MAF: variants seen among roughly 807,000 people sequenced by gnomAD.
MAF encodes the protein transcription factor Maf.
In MAF, 10 loss-of-function variants were observed where a neutral mutation model predicts 22.0. The observed-to-expected ratio is 0.45, with a 90% CI of 0.28 to 0.77. The LOEUF is 0.77. Among genes scored for constraint, MAF ranks in the 30% least tolerant of loss-of-function variants. The probability of loss-of-function intolerance (pLI) is 0.12; values close to 1 mark genes in which losing one functional copy is unlikely to be tolerated. For missense variants in MAF, 544 were observed against 548.4 expected, an observed-to-expected ratio of 0.99 and a Z score of 0.08; for synonymous variants, 337 against 255.8, an observed-to-expected ratio of 1.32 and a Z score of -3.03.
chr16:79,310,056 C>G, the MAF span, among the ~76,000 whole-genome samples: 5 of 152,066 alleles, frequency 3.3e-5, no homozygotes, highest in African/African-American at 1.2e-4. Flanking sequence ...AATATCAAAT[C>G]AAGAATGAAC....
chr16:79,584,454 T>C (rs1912719123), downstream of MAF, among the ~76,000 whole-genome samples: 1 of 152,244 alleles, frequency 6.6e-6, no homozygotes, highest in African/African-American at 2.4e-5. Flanking sequence ...TGCTCTCACC[T>C]GTCAATCATG....
At chr16:79,476,480 G>C in the MAF span, among the ~76,000 whole-genome samples, 28,493 of 152,170 alleles carry the variant, frequency 0.19, 3,038 homozygotes, top group East Asian at 0.44. Flanking sequence ...ATCGACATTT[G>C]AAAGAGTGAA....
the MAF span, among the ~76,000 whole-genome samples, chr16:79,207,121 A>T: frequency 1.3e-5 from 2 of 152,120 alleles, no homozygotes; most frequent in Non-Finnish European, 2.9e-5. Flanking sequence ...ACGGCCATCT[A>T]TTCCACCTGT....
At chr16:79,219,912 G>T in the MAF span, among the ~76,000 whole-genome samples, 1 of 152,154 alleles carries the variant, frequency 6.6e-6, no homozygotes, top group Non-Finnish European at 1.5e-5. Flanking sequence ...ATAAAAAGTT[G>T]TATCATCGTA....
chr16:79,255,977 CTTTTCTTTTTTT>C, the MAF span, among the ~76,000 whole-genome samples: 4 of 107,946 alleles, frequency 3.7e-5, no homozygotes, highest in Non-Finnish European at 7.8e-5. Flanking sequence ...TTTTTCTTTT[CTTTTCTTTTTTT>C]TTTTTTTTTG....
chr16:79,513,145 C>G, the MAF span, among the ~76,000 whole-genome samples: 2 of 152,234 alleles, frequency 1.3e-5, no homozygotes, highest in Non-Finnish European at 2.9e-5. Flanking sequence ...TGGTCCTCAC[C>G]AGGGTGGAGG....
At chr16:79,303,721 T>G in the MAF span, among the ~76,000 whole-genome samples, 3 of 151,876 alleles carry the variant, frequency 2.0e-5, no homozygotes, top group African/African-American at 4.8e-5. Flanking sequence ...TAAGAAAGAG[T>G]GCTATAATTG....
the MAF span, among the ~76,000 whole-genome samples, chr16:79,445,455 C>T: frequency 6.6e-6 from 1 of 152,184 alleles, no homozygotes; most frequent in Non-Finnish European, 1.5e-5. Context: ...ACCAAGTCTT[C>T]AGAGATGTAA....
At chr16:79,424,041 A>T in the MAF span, among the ~76,000 whole-genome samples, 2 of 152,210 alleles carry the variant, frequency 1.3e-5, no homozygotes, top group South Asian at 2.1e-4. Flanking sequence ...ACCCATTAAG[A>T]TTATTACTTT....
the MAF span, among the ~76,000 whole-genome samples, chr16:79,551,426 A>C: frequency 7.9e-5 from 12 of 152,324 alleles, no homozygotes; most frequent in Non-Finnish European, 4.4e-5. Flanking sequence ...TATGGAAGCA[A>C]TACAGGCATA....
chr16:79,566,223 A>G, the MAF span, among the ~76,000 whole-genome samples: 1 of 152,204 alleles, frequency 6.6e-6, no homozygotes, highest in Non-Finnish European at 1.5e-5. Flanking sequence ...CTCTGCCATT[A>G]GAGATACAAA....
the MAF span, among the ~76,000 whole-genome samples, chr16:79,447,905 A>AAAAGAAAAG: frequency 1.4e-3 from 124 of 85,824 alleles, no homozygotes; most frequent in Non-Finnish European, 2.3e-3. Flanking sequence ...AAAAAAAAAA[A>AAAAGAAAAG]AAAAGAAAAG....
the MAF span, among the ~76,000 whole-genome samples, chr16:79,357,431 C>T: frequency 6.6e-6 from 1 of 152,134 alleles, no homozygotes; most frequent in Non-Finnish European, 1.5e-5. Context: ...GACACTGTCT[C>T]AAAAAACAAA....
chr16:79,209,489 A>C, the MAF span, among the ~76,000 whole-genome samples: 8 of 152,198 alleles, frequency 5.3e-5, no homozygotes, highest in Non-Finnish European at 7.3e-5. Flanking sequence ...TTGAATGCTG[A>C]ATAGTATAAC....
chr16:79,409,158 A>T, the MAF span, among the ~76,000 whole-genome samples: 1 of 151,774 alleles, frequency 6.6e-6, no homozygotes, highest in East Asian at 1.9e-4. Flanking sequence ...CTGAACAGAA[A>T]CTCTTTTTAG....
At chr16:79,530,736 A>T in the MAF span, among the ~76,000 whole-genome samples, 2 of 152,210 alleles carry the variant, frequency 1.3e-5, no homozygotes, top group South Asian at 4.1e-4. Flanking sequence ...TGTTTTTATA[A>T]TAATAAAATT....
chr16:79,498,875 G>A, the MAF span, among the ~76,000 whole-genome samples: 1 of 152,172 alleles, frequency 6.6e-6, no homozygotes, highest in African/African-American at 2.4e-5. Context: ...CTCCTCAGGT[G>A]TGGAGTATAC....
At chr16:79,361,662 C>T in the MAF span, among the ~76,000 whole-genome samples, 1 of 152,084 alleles carries the variant, frequency 6.6e-6, no homozygotes, top group African/African-American at 2.4e-5. Flanking sequence ...AGAGAAATTA[C>T]GTCTGCACGA....
At chr16:79,389,733 T>G in the MAF span, among the ~76,000 whole-genome samples, 7 of 151,914 alleles carry the variant, frequency 4.6e-5, no homozygotes, top group Admixed American at 6.6e-5. Context: ...TCCCAGCACT[T>G]TGGGAGCCCG....
Sources: allele counts gnomAD v4.1 joint callset (sites outside exome capture counted in the v4.1 genomes callset), GRCh38; gene constraint gnomAD v4.1.1; transcripts MANE v1.5; gene names NCBI Gene and HGNC (gene_info 2026-07-23, HGNC 2026-07-21).